ZNF155: variants seen among roughly 807,000 people sequenced by gnomAD.
ZNF155 encodes zinc finger protein 155, also known as KRAB A domain.
ZNF155 carries 15 observed loss-of-function variants against 11.9 expected under a neutral mutation model. The observed-to-expected ratio is 1.26, with a 90% confidence interval of 0.84 to 1.94. ZNF155 has a LOEUF of 1.94. Among genes scored for constraint, ZNF155 ranks in the 30% most tolerant of loss-of-function variants. The pLI is 0.00. For synonymous variants in ZNF155, 212 were observed against 219.9 expected (o/e 0.96, Z 0.32); for missense variants, 602 against 639.1 (o/e 0.94, Z 0.63).
rs752604890 is a variant in ZNF155, at chr19:43,985,533, CTTTTTTT to C, written c.-86+1304_-86+1310del. 4.3e-3 allele frequency among the ~76,000 whole-genome samples: 418 copies of C among 97,866 alleles called. 4 individuals carry two copies. The highest frequency in any genetic ancestry group is 0.039 in the South Asian group (122 of 3,100). The allele number at this position is 97,866 out of a possible 152,430, so 64.2% of individuals were successfully genotyped here. The stretch of plus-strand genomic sequence containing the variant: ...TCTGTGGAAAGGTATTGCTCTTTTT[CTTTTTTT>C]TTTTTTTTTTTTTTTCCTGAGACGG... On this transcript the variant is annotated intron_variant, in intron 1 of 4. Transcript: ENST00000270014.
chr19:43,986,633 T>C (rs1975461092), intron 1 of ZNF155, among the ~76,000 whole-genome samples: 1 of 151,984 alleles, frequency 6.6e-6, no homozygotes, highest in Admixed American at 6.6e-5. Flanking sequence ...GTATATTTAG[T>C]AGAGACGAGG....
intron 1 of ZNF155, among the ~76,000 whole-genome samples, chr19:43,987,030 G>C (rs1388143930): frequency 6.6e-6 from 1 of 152,120 alleles, no homozygotes; most frequent in Non-Finnish European, 1.5e-5. Context: ...GAGGTGTTTA[G>C]AAAGGGCAGG....
Position 43,996,750 on chromosome 19 carries a change from A to G in ZNF155, c.893A>G (p.Tyr298Cys). ...TGTGATATATGTGGTAAGACCTTCTATTTTAGGTCAAGACTTAAGAGCCAT... is the reference window on the plus strand; with the variant it reads ...TGTGATATATGTGGTAAGACCTTCTGTTTTAGGTCAAGACTTAAGAGCCAT... The part of the protein sequence containing the change: ...FKCDICGKTF[Y>C]FRSRLKSHSM... The change falls in exon 5 of 5, where the codon TAT (tyrosine) becomes TGT (cysteine). Residue 298 changes from tyrosine (Y) to cysteine (C), a missense_variant. Tyr to Cys is a radical substitution (Grantham distance 194). Transcript: ENST00000270014. 2 of 1,614,118 alleles carry G rather than the reference A, an allele frequency of 1.2e-6. No individual in the cohort carries two copies. Among genetic ancestry groups the G allele is most frequent in the Non-Finnish European group, 1.7e-6 (2 of 1,180,014 alleles).
At chr19:43,984,711 G>A (rs555107966) in intron 1 of ZNF155, among the ~76,000 whole-genome samples, 1 of 152,274 alleles carries the variant, frequency 6.6e-6, no homozygotes, top group South Asian at 2.1e-4. Flanking sequence ...CCTGTCACTT[G>A]GTGTCCTGTT....
At position 43,997,559 on chromosome 19, in the gene ZNF155, G is replaced by A; in HGVS notation, c.*85G>A. 1.7e-6 allele frequency: 2 copies of A among 1,150,954 alleles called. No homozygotes were observed. Among genetic ancestry groups the A allele is most frequent in the Non-Finnish European group, 2.4e-6 (2 of 837,872 alleles). 71.3% of individuals were successfully genotyped at this position (1,150,954 alleles called of 1,614,324 possible). Reference sequence around the variant, plus strand: ...TCCAATCAGTGTAATTGGTGTATCTGTTACCTCAAACATTTACCATTTCTT... The same window carrying A: ...TCCAATCAGTGTAATTGGTGTATCTATTACCTCAAACATTTACCATTTCTT... On this transcript the variant is annotated 3_prime_UTR_variant, in exon 5 of 5. Coordinates refer to ENST00000270014, the MANE Select transcript of ZNF155 (RefSeq NM_198089.3).
At chr19:43,990,504 G>C (rs990176714) in intron 2 of ZNF155, among the ~76,000 whole-genome samples, 1 of 152,214 alleles carries the variant, frequency 6.6e-6, no homozygotes, top group Non-Finnish European at 1.5e-5. Flanking sequence ...ATTATTTAGA[G>C]AGGAAAGTAA....
chr19:43,986,598 G>T (rs565635164), intron 1 of ZNF155, among the ~76,000 whole-genome samples: 2 of 151,562 alleles, frequency 1.3e-5, no homozygotes, highest in Non-Finnish European at 2.9e-5. Context: ...TACAGGTGCC[G>T]GCCACCATGC....
intron 2 of ZNF155, 53 bp from the exon 3 acceptor site, chr19:43,991,494 TC>T: frequency 2.5e-6 from 4 of 1,612,744 alleles, no homozygotes; most frequent in Non-Finnish European, 3.4e-6. Flanking sequence ...ATGCCGCTTC[TC>T]CCCCAGTAGT....
chr19:43,996,593 G>A lies in ZNF155; in HGVS notation c.736G>A (p.Ala246Thr), dbSNP rs765200738. The stretch of plus-strand genomic sequence containing the variant: ...TGGGAAAGGTTTCAGTCGTAGATCA[G>A]CACTTAATGTTCATCGTAAATTACA... ...QCGKGFSRRS[A>T]LNVHRKLHTG... The change falls in exon 5 of 5, where the codon GCA becomes ACA. Residue 246 changes from alanine to threonine, a missense_variant. Coordinates refer to ENST00000270014, the MANE Select transcript of ZNF155 (RefSeq NM_198089.3). The A allele has an allele frequency of 6.7e-5, 108 of 1,612,866 alleles. No individual in the cohort carries two copies. Among genetic ancestry groups the A allele is most frequent in the Non-Finnish European group, 7.3e-5 (86 of 1,179,176 alleles).
chr19:43,986,994 A>G (rs760680237), intron 1 of ZNF155, among the ~76,000 whole-genome samples: 1 of 152,200 alleles, frequency 6.6e-6, no homozygotes, highest in Non-Finnish European at 1.5e-5. Flanking sequence ...CCCACATTCC[A>G]TGGTGATCAT....
intron 2 of ZNF155, 147 bp downstream of exon 2, chr19:43,988,705 T>TC: frequency 1.3e-6 from 1 of 754,860 alleles, no homozygotes. Flanking sequence ...CTCTTTTGTG[T>TC]TGACTGCATT....
At chr19:43,993,959 T>C (rs2147393290) in intron 4 of ZNF155, among the ~76,000 whole-genome samples, 1 of 152,298 alleles carries the variant, frequency 6.6e-6, no homozygotes, top group African/African-American at 2.4e-5. Flanking sequence ...TTCATGCCTG[T>C]AGATGTGTAT....
intron 2 of ZNF155, chr19:43,988,986 T>C (rs879153099): frequency 6.5e-6 from 1 of 154,798 alleles, no homozygotes; most frequent in East Asian, 1.9e-4. Context: ...TATCTTTTTA[T>C]TTATAACTAC....
At position 43,996,544 on chromosome 19, in the gene ZNF155, G is replaced by GA. The variant is rs554125299; in HGVS notation, c.690dup (p.Pro231ThrfsTer5). 715 of 1,614,136 alleles carry GA rather than the reference G, an allele frequency of 4.4e-4. 10 individuals carry two copies. The South Asian group carries it at 7.5e-3, about 17-fold the overall frequency. On this transcript the variant is annotated frameshift_variant, in exon 5 of 5. Transcript: ENST00000270014. LOFTEE classifies it low-confidence loss of function (END_TRUNC). ...CTCATCAGAGAGTCCACACTGGAGA[G>GA]AAACCATTCAAATGTGAGCAATGTG...
Position 43,996,517 on chromosome 19 carries a change from A to G in ZNF155, c.660A>G (p.Gln220=), listed in dbSNP as rs1182882262. 22 of 1,614,044 alleles carry G rather than the reference A, an allele frequency of 1.4e-5. No individual in the cohort carries two copies. In the Admixed American group the frequency reaches 2.7e-4, roughly 20 times the overall value. ...GKEFSQSSHL[Q]THQRVHTGEK... ...AATTTAGTCAAAGCTCACATCTGCA[A>G]ACTCATCAGAGAGTCCACACTGGAG... The change falls in exon 5 of 5, where the codon CAA becomes CAG. Residue 220 remains glutamine (Q), a synonymous_variant. Transcript: ENST00000270014.
At chr19:43,984,582 G>T (rs539010056) in intron 1 of ZNF155, among the ~76,000 whole-genome samples, 1 of 152,272 alleles carries the variant, frequency 6.6e-6, no homozygotes, top group Admixed American at 6.5e-5. Flanking sequence ...ATAACGTGGG[G>T]TGTTACTTAA....
Position 43,991,978 on chromosome 19 carries a change from C to A in ZNF155, c.235+44C>A, listed in dbSNP as rs560015412. On this transcript the variant is annotated intron_variant, in intron 4 of 4. Transcript: ENST00000270014. ...TGTGTCCTTGTACCTGACTCTCCCA[C>A]CTGTTGTGCTTCTGTCCATGCCCAT... 4 of 1,560,934 alleles carry A rather than the reference C, an allele frequency of 2.6e-6. No homozygotes were observed. In the East Asian group the frequency reaches 9.0e-5, roughly 35 times the overall value.
chr19:43,993,962 A>G (rs1975749085), intron 4 of ZNF155, among the ~76,000 whole-genome samples: 1 of 152,150 alleles, frequency 6.6e-6, no homozygotes. Context: ...ATGCCTGTAG[A>G]TGTGTATGAG....
rs1258615744 is a variant in ZNF155 at position 43,988,362 on chromosome 19, AGGCATCTT to A, written c.-85-94_-85-87del. 8 of 446,136 alleles carry A rather than the reference AGGCATCTT, an allele frequency of 1.8e-5. No homozygotes were observed. In the East Asian group the frequency reaches 2.4e-4, roughly 13 times the overall value. The allele number at this position is 446,136 out of a possible 1,614,324, so 27.6% of individuals were successfully genotyped here. A position where few individuals can be genotyped will look rare whatever the true frequency, so the allele number is the denominator to read the frequency against. ...TTTGCCTATCCATTTACCCAGAGGA[AGGCATCTT>A]GGTTGTGTGCAGTTTGGGTTTATTA... is the stretch of plus-strand genomic sequence containing the variant. On this transcript the variant is annotated intron_variant, in intron 1 of 4. Coordinates refer to ENST00000270014, the MANE Select transcript of ZNF155 (RefSeq NM_198089.3).
Sources: allele counts gnomAD v4.1 joint callset (sites outside exome capture counted in the v4.1 genomes callset), GRCh38; gene constraint gnomAD v4.1.1; transcripts MANE v1.5; gene names NCBI Gene and HGNC (gene_info 2026-07-23, HGNC 2026-07-21).